Variants in MGAT4C observed in about 807,000 individuals in gnomAD.
MGAT4C encodes the protein MGAT4 family member C.
In MGAT4C, 19 loss-of-function variants were observed where a neutral mutation model predicts 40.1. The ratio of observed to expected loss-of-function variants is 0.47; its 90% confidence interval spans 0.33 to 0.70. The LOEUF (loss-of-function observed/expected upper bound fraction) is 0.70, where lower values mean the gene tolerates loss of function less well. Among genes scored for constraint, MGAT4C ranks in the 30% least tolerant of loss-of-function variants. MGAT4C has a pLI of 0.02. For synonymous variants in MGAT4C, 181 were observed against 187.1 expected (o/e 0.97, Z 0.27); for missense variants, 491 against 563.2 (o/e 0.87, Z 1.30).
intron 1 of MGAT4C, among the ~76,000 whole-genome samples, chr12:86,232,425 A>G (rs1951360833): frequency 6.6e-6 from 1 of 152,190 alleles, no homozygotes; most frequent in African/African-American, 2.4e-5. Context: ...GGAAGGAAAA[A>G]CAGTGTAACA....
intron 1 of MGAT4C, among the ~76,000 whole-genome samples, chr12:86,741,821 T>C (rs1951074573): frequency 6.6e-6 from 1 of 151,394 alleles, no homozygotes; most frequent in Admixed American, 6.6e-5. Context: ...GATCTCCCTT[T>C]AGAATACTAA....
intron 2 of MGAT4C, among the ~76,000 whole-genome samples, chr12:86,445,367 A>G (rs968265069): frequency 1.3e-5 from 2 of 152,214 alleles, no homozygotes; most frequent in East Asian, 3.8e-4. Context: ...CATCAAAAAT[A>G]TTCATTCACC....
intron 1 of MGAT4C, among the ~76,000 whole-genome samples, chr12:86,255,551 A>G (rs568603596): frequency 6.6e-6 from 1 of 152,286 alleles, no homozygotes; most frequent in South Asian, 2.1e-4. Flanking sequence ...TTTTCTGGCT[A>G]TGTAAAGACA....
At chr12:86,372,139 T>C (rs1468966222) in intron 3 of MGAT4C, among the ~76,000 whole-genome samples, 1 of 151,968 alleles carries the variant, frequency 6.6e-6, no homozygotes, top group Non-Finnish European at 1.5e-5. Flanking sequence ...GAGTATTGGA[T>C]GTTTGCATAG....
intron 1 of MGAT4C, among the ~76,000 whole-genome samples, chr12:86,763,915 T>C (rs146120984): frequency 0.013 from 1,924 of 152,274 alleles, 27 homozygotes; most frequent in Non-Finnish European, 0.02. Context: ...AGCTCCTGTC[T>C]ACAGCTCCCA....
At chr12:86,470,845 C>A (rs1246122986) in intron 2 of MGAT4C, among the ~76,000 whole-genome samples, 3 of 151,978 alleles carry the variant, frequency 2.0e-5, no homozygotes, top group African/African-American at 7.2e-5. Flanking sequence ...TTCTCTGCTC[C>A]TCTCCGTATC....
chr12:86,370,920 G>T (rs553221670), intron 3 of MGAT4C, among the ~76,000 whole-genome samples: 2 of 152,024 alleles, frequency 1.3e-5, no homozygotes, highest in South Asian at 2.1e-4. Context: ...GAGGGGTGAG[G>T]GGTGGCCCTT....
rs371472424 is a variant in MGAT4C at position 86,309,289 on chromosome 12, T to G, written c.-57+24776A>C. Among the ~76,000 whole-genome samples, 22 of 152,288 alleles carry G rather than the reference T, an allele frequency of 1.4e-4. 2 individuals carry two copies. The highest frequency in any genetic ancestry group is 5.3e-4 in the African/African-American group (22 of 41,558). The stretch of plus-strand genomic sequence containing the variant: ...ATTCAGCTTACCACCACCAAAAAAC[T>G]TAGTTGCCAAATACAAGTGCCCTAG... On this transcript the variant is annotated intron_variant, in intron 4 of 7. Coordinates refer to the MGAT4C transcript ENST00000548651.
intron 1 of MGAT4C, among the ~76,000 whole-genome samples, chr12:86,079,216 T>C (rs1592875065): frequency 6.6e-6 from 1 of 152,156 alleles, no homozygotes; most frequent in African/African-American, 2.4e-5. Context: ...GGCATAGATG[T>C]AGTACTTAGT....
chr12:86,130,612 A>G (rs1035193643), intron 1 of MGAT4C, among the ~76,000 whole-genome samples: 1 of 152,070 alleles, frequency 6.6e-6, no homozygotes, highest in African/African-American at 2.4e-5. Flanking sequence ...CAAAGAGTAA[A>G]TATAAGATTA....
At chr12:86,466,819 T>A (rs6538043) in intron 2 of MGAT4C, among the ~76,000 whole-genome samples, 1 of 152,094 alleles carries the variant, frequency 6.6e-6, no homozygotes, top group Admixed American at 6.6e-5. Flanking sequence ...ACTTTCCCTT[T>A]AATTTTGCTG....
At chr12:86,546,852 C>T (rs1049250068) in intron 2 of MGAT4C, among the ~76,000 whole-genome samples, 1 of 151,750 alleles carries the variant, frequency 6.6e-6, no homozygotes, top group Non-Finnish European at 1.5e-5. Context: ...GTCTAGATGC[C>T]GCCTAAAAGC....
chr12:86,343,960 G>C (rs941567417), intron 3 of MGAT4C, among the ~76,000 whole-genome samples: 3 of 152,072 alleles, frequency 2.0e-5, no homozygotes, highest in African/African-American at 7.2e-5. Context: ...AATCCACACA[G>C]AGATAACCTG....
At chr12:86,582,980 G>C (rs1460505641) in intron 2 of MGAT4C, among the ~76,000 whole-genome samples, 2 of 151,226 alleles carry the variant, frequency 1.3e-5, no homozygotes, top group Non-Finnish European at 3.0e-5. Flanking sequence ...TATAAACACA[G>C]ATAAGAAAAT....
chr12:86,076,928 A>G (rs1396159059), intron 1 of MGAT4C, among the ~76,000 whole-genome samples: 4 of 152,170 alleles, frequency 2.6e-5, no homozygotes, highest in Non-Finnish European at 2.9e-5. Flanking sequence ...ATGGAGTCCA[A>G]TGTTCTAAGG....
chr12:86,700,005 T>C (rs1184449330), intron 2 of MGAT4C, among the ~76,000 whole-genome samples: 2 of 135,070 alleles, frequency 1.5e-5, no homozygotes, highest in Non-Finnish European at 3.2e-5. Flanking sequence ...GCAGTTCAAA[T>C]CTATGTTGTT....
chr12:86,794,346 A>T (rs1353644580), intron 1 of MGAT4C, among the ~76,000 whole-genome samples: 2 of 151,748 alleles, frequency 1.3e-5, no homozygotes, highest in Admixed American at 6.6e-5. Context: ...AGAAATTTTA[A>T]TAAAACTAAC....
At chr12:86,629,341 C>G (rs578113055) in intron 2 of MGAT4C, among the ~76,000 whole-genome samples, 13 of 152,202 alleles carry the variant, frequency 8.5e-5, no homozygotes, top group African/African-American at 3.1e-4. Context: ...TCAGACAGAT[C>G]AATGAGACAG....
At chr12:86,700,092 G>A (rs374259196) in intron 2 of MGAT4C, among the ~76,000 whole-genome samples, 37 of 74,160 alleles carry the variant, frequency 5.0e-4, no homozygotes, top group Middle Eastern at 0.016. Context: ...GTAGATAGAT[G>A]ATAGATAGAT....
Sources: allele counts gnomAD v4.1 joint callset (sites outside exome capture counted in the v4.1 genomes callset), GRCh38; gene constraint gnomAD v4.1.1; transcripts MANE v1.5; gene names NCBI Gene and HGNC (gene_info 2026-07-23, HGNC 2026-07-21).